DOCK2: variants seen among roughly 807,000 people sequenced by gnomAD.
The protein encoded by DOCK2 is dedicator of cytokinesis 2, also known as dedicator of cytokinesis protein 2.
DOCK2 carries 87 observed loss-of-function variants against 248.9 expected under a neutral mutation model. That is an observed-to-expected ratio of 0.35 (90% CI 0.29 to 0.42). The LOEUF is 0.42. Ranked by LOEUF, DOCK2 falls within the 10% of genes least tolerant of loss-of-function variation. The pLI is 1.00. For synonymous variants in DOCK2, 805 were observed against 821.6 expected (o/e 0.98, Z 0.35); for missense variants, 1,747 against 2,300.2 (o/e 0.76, Z 4.92).
At chr5:169,896,839 A>C (rs1045031301) in intron 27 of DOCK2, among the ~76,000 whole-genome samples, 1 of 152,226 alleles carries the variant, frequency 6.6e-6, no homozygotes, top group Non-Finnish European at 1.5e-5. Context: ...AATAAAATGC[A>C]GATGCCATAG....
At chr5:169,678,548 C>T (rs1759472462) in intron 6 of DOCK2, among the ~76,000 whole-genome samples, 1 of 152,156 alleles carries the variant, frequency 6.6e-6, no homozygotes, top group Non-Finnish European at 1.5e-5. Context: ...CAGTCATAAG[C>T]CACCGAGCCT....
intron 8 of DOCK2, among the ~76,000 whole-genome samples, chr5:169,687,956 C>T (rs1409506993): frequency 1.3e-5 from 2 of 152,158 alleles, no homozygotes; most frequent in African/African-American, 4.8e-5. Context: ...GATGGAGTCT[C>T]CCTTTTCACC....
chr5:170,033,234 G>A (rs979815957), intron 34 of DOCK2, among the ~76,000 whole-genome samples: 2 of 152,192 alleles, frequency 1.3e-5, no homozygotes, highest in African/African-American at 4.8e-5. Flanking sequence ...TGGGCTGCCA[G>A]ACAGTAGGTG....
At chr5:169,882,528 T>C in intron 27 of DOCK2, 1 of 1,515,754 alleles carries the variant, frequency 6.6e-7, no homozygotes, top group Non-Finnish European at 8.9e-7. Context: ...CAGTCATTTT[T>C]AATATGAAAA....
At chr5:169,689,555 G>A (rs751373269) in intron 9 of DOCK2, among the ~76,000 whole-genome samples, 7 of 152,022 alleles carry the variant, frequency 4.6e-5, no homozygotes, top group Middle Eastern at 3.2e-3. Flanking sequence ...CTCCCTATCC[G>A]TCTCACTCCT....
chr5:169,651,540 T>C (rs1757805421), intron 1 of DOCK2, among the ~76,000 whole-genome samples: 1 of 152,162 alleles, frequency 6.6e-6, no homozygotes, highest in Non-Finnish European at 1.5e-5. Flanking sequence ...TTGCTCGTGC[T>C]CCAGAGACTA....
chr5:169,842,138 T>TA (rs533064435), intron 27 of DOCK2, among the ~76,000 whole-genome samples: 7 of 152,178 alleles, frequency 4.6e-5, no homozygotes, highest in Non-Finnish European at 2.9e-5. Context: ...CAGTTTATTT[T>TA]AAAAAATAAT....
At chr5:169,904,172 T>C (rs2113594150) in intron 27 of DOCK2, among the ~76,000 whole-genome samples, 1 of 151,976 alleles carries the variant, frequency 6.6e-6, no homozygotes, top group Non-Finnish European at 1.5e-5. Context: ...TGTACTTTCT[T>C]GGGTAAAAGC....
intron 13 of DOCK2, among the ~76,000 whole-genome samples, chr5:169,700,677 A>G (rs1396669261): frequency 6.6e-6 from 1 of 152,144 alleles, no homozygotes; most frequent in Admixed American, 6.5e-5. Context: ...GTATAATTTT[A>G]AAAAATGAGT....
At chr5:169,712,262 G>A (rs1166007453) in intron 17 of DOCK2, 39 bp downstream of exon 17, 1 of 1,599,428 alleles carries the variant, frequency 6.3e-7, no homozygotes, top group Non-Finnish European at 8.6e-7. Flanking sequence ...TGAGGGGAGT[G>A]CAGGAAGAAA....
At chr5:169,927,923 T>C (rs1775553933) in intron 27 of DOCK2, among the ~76,000 whole-genome samples, 1 of 151,950 alleles carries the variant, frequency 6.6e-6, no homozygotes. Flanking sequence ...GCCCGAAAAA[T>C]TCTTTATTCA....
intron 25 of DOCK2, among the ~76,000 whole-genome samples, chr5:169,780,541 G>T (rs908338491): frequency 2.0e-5 from 3 of 152,030 alleles, no homozygotes; most frequent in African/African-American, 7.3e-5. Flanking sequence ...CCATGTATTC[G>T]GGATCTCAGG....
chr5:170,027,758 G>A (rs1755970718), intron 33 of DOCK2, 105 bp from the exon 34 acceptor site: 2 of 1,028,368 alleles, frequency 1.9e-6, no homozygotes, highest in Non-Finnish European at 2.9e-6. Flanking sequence ...CTCAACCTGG[G>A]AGATAAAGAG....
intron 27 of DOCK2, among the ~76,000 whole-genome samples, chr5:169,919,864 A>T (rs1438905926): frequency 6.6e-6 from 1 of 152,228 alleles, no homozygotes; most frequent in Admixed American, 6.5e-5. Context: ...GGAAACTTAG[A>T]CATTAACCAG....
chr5:169,781,059 C>T (rs542915549), intron 25 of DOCK2, among the ~76,000 whole-genome samples: 3 of 152,156 alleles, frequency 2.0e-5, no homozygotes, highest in Non-Finnish European at 2.9e-5. Flanking sequence ...CTCAGGGTGC[C>T]GGGCGGAAAC....
intron 1 of DOCK2, among the ~76,000 whole-genome samples, chr5:169,640,478 A>G (rs1382270024): frequency 6.6e-6 from 1 of 152,250 alleles, no homozygotes; most frequent in Non-Finnish European, 1.5e-5. Context: ...AGAGAAAACA[A>G]ACAAGTTTAT....
At chr5:169,822,788 T>A (rs1368608122) in intron 26 of DOCK2, among the ~76,000 whole-genome samples, 1 of 151,856 alleles carries the variant, frequency 6.6e-6, no homozygotes, top group Non-Finnish European at 1.5e-5. Flanking sequence ...CTGAAGGAGA[T>A]AGAGACACAA....
intron 22 of DOCK2, among the ~76,000 whole-genome samples, chr5:169,719,498 C>T (rs757274015): frequency 3.2e-4 from 49 of 152,270 alleles, no homozygotes; most frequent in Middle Eastern, 3.4e-3. Flanking sequence ...ACAAAGAACA[C>T]GCAACTGAAA....
At chr5:169,767,123 T>A (rs755941643) in intron 25 of DOCK2, among the ~76,000 whole-genome samples, 6 of 152,258 alleles carry the variant, frequency 3.9e-5, no homozygotes, top group Non-Finnish European at 7.3e-5. Context: ...GGTTTTGATT[T>A]GCATATCTCT....
Sources: allele counts gnomAD v4.1 joint callset (sites outside exome capture counted in the v4.1 genomes callset), GRCh38; gene constraint gnomAD v4.1.1; transcripts MANE v1.5; gene names NCBI Gene and HGNC (gene_info 2026-07-23, HGNC 2026-07-21).